DIAPH3: variants seen among roughly 807,000 people sequenced by gnomAD.
DIAPH3 encodes the protein protein diaphanous homolog 3.
In DIAPH3, 117 loss-of-function variants were observed where a neutral mutation model predicts 144.3. That is an observed-to-expected ratio of 0.81 (90% CI 0.70 to 0.95). DIAPH3 has a LOEUF of 0.95. DIAPH3 is among the 40% of genes least tolerant of loss of function. The pLI is 0.00. For synonymous variants in DIAPH3, 519 were observed against 488.9 expected (o/e 1.06, Z -0.81); for missense variants, 1,421 against 1,412.7 (o/e 1.01, Z -0.09).
intron 27 of DIAPH3, among the ~76,000 whole-genome samples, chr13:59,736,476 C>T (rs2036157955): frequency 6.6e-6 from 1 of 152,080 alleles, no homozygotes; most frequent in Admixed American, 6.6e-5. Context: ...TTAATAATAG[C>T]TATTCTGACT....
At chr13:59,739,523 T>A (rs2036338617) in intron 27 of DIAPH3, among the ~76,000 whole-genome samples, 1 of 152,196 alleles carries the variant, frequency 6.6e-6, no homozygotes, top group Admixed American at 6.5e-5. Context: ...ACTGTGGTAT[T>A]CAGGTCTACT....
intron 27 of DIAPH3, 157 bp downstream of exon 27, chr13:59,774,032 C>T (rs1020618696): frequency 8.0e-5 from 55 of 684,656 alleles, no homozygotes; most frequent in Non-Finnish European, 1.1e-4. Context: ...ATGAAAAATA[C>T]GAGTACGCAA....
At chr13:59,889,372 C>T (rs371805605) in intron 20 of DIAPH3, among the ~76,000 whole-genome samples, 1 of 152,090 alleles carries the variant, frequency 6.6e-6, no homozygotes, top group Non-Finnish European at 1.5e-5. Context: ...GACTCCTCTG[C>T]CATCTCCAAT....
intron 27 of DIAPH3, among the ~76,000 whole-genome samples, chr13:59,746,423 A>G (rs1470633882): frequency 2.6e-5 from 4 of 150,984 alleles, no homozygotes; most frequent in Non-Finnish European, 2.9e-5. Context: ...GGGTTTCACC[A>G]TGTTGGCCAG....
At chr13:59,919,739 G>T (rs1253852526) in intron 18 of DIAPH3, among the ~76,000 whole-genome samples, 1 of 151,986 alleles carries the variant, frequency 6.6e-6, no homozygotes, top group Admixed American at 6.6e-5. Flanking sequence ...GTAAAAGTAA[G>T]TACATAGTCA....
At chr13:59,823,962 T>C (rs1419996338) in intron 24 of DIAPH3, among the ~76,000 whole-genome samples, 1 of 152,202 alleles carries the variant, frequency 6.6e-6, no homozygotes, top group Non-Finnish European at 1.5e-5. Context: ...TTAAAATTGA[T>C]TTTATATTTG....
At chr13:60,096,220 T>A (rs1268207289) in intron 3 of DIAPH3, among the ~76,000 whole-genome samples, 1 of 152,206 alleles carries the variant, frequency 6.6e-6, no homozygotes, top group Non-Finnish European at 1.5e-5. Flanking sequence ...ATTATTCACT[T>A]TATTTTTATT....
intron 4 of DIAPH3, among the ~76,000 whole-genome samples, chr13:60,075,141 A>G (rs1349827596): frequency 1.3e-5 from 2 of 152,182 alleles, no homozygotes; most frequent in Non-Finnish European, 2.9e-5. Context: ...TTCTATTATG[A>G]CAGACAAAAA....
chr13:60,101,719 C>G (rs1466353814), intron 3 of DIAPH3, among the ~76,000 whole-genome samples: 2 of 152,104 alleles, frequency 1.3e-5, no homozygotes, highest in Non-Finnish European at 2.9e-5. Flanking sequence ...ACACCTGGAC[C>G]TTTTCATTAT....
chr13:59,907,262 G>A (rs1244405932), intron 20 of DIAPH3, among the ~76,000 whole-genome samples: 1 of 152,128 alleles, frequency 6.6e-6, no homozygotes, highest in African/African-American at 2.4e-5. Context: ...AAGCACATCA[G>A]TCAGTATTCA....
intron 24 of DIAPH3, among the ~76,000 whole-genome samples, chr13:59,829,773 G>A (rs1423708519): frequency 6.6e-6 from 1 of 151,880 alleles, no homozygotes; most frequent in Non-Finnish European, 1.5e-5. Context: ...GGCAGAGTAT[G>A]GAGAAAGTGC....
intron 4 of DIAPH3, among the ~76,000 whole-genome samples, chr13:60,046,268 T>A (rs144535583): frequency 6.6e-6 from 1 of 152,128 alleles, no homozygotes; most frequent in Non-Finnish European, 1.5e-5. Context: ...TATCACTGAA[T>A]AGGATATTAT....
Position 59,766,300 on chromosome 13 carries a change from T to A in DIAPH3, c.3319+7889A>T, listed in dbSNP as rs576656917. 3.9e-5 allele frequency among the ~76,000 whole-genome samples: 6 copies of A among 152,248 alleles called. No homozygotes were observed. In the South Asian group the frequency reaches 1.0e-3, roughly 26 times the overall value. ...TATACTATCACTACATAAGTAATCATCTCCCTCTGCAACTGGGCCATTAAT... is the reference window on the plus strand; with the variant it reads ...TATACTATCACTACATAAGTAATCAACTCCCTCTGCAACTGGGCCATTAAT... On this transcript the variant is annotated intron_variant, in intron 27 of 27. Coordinates refer to ENST00000400324, the MANE Select transcript of DIAPH3 (RefSeq NM_001042517.2).
intron 4 of DIAPH3, among the ~76,000 whole-genome samples, chr13:60,069,517 T>G (rs911322592): frequency 6.6e-6 from 1 of 152,194 alleles, no homozygotes; most frequent in Non-Finnish European, 1.5e-5. Flanking sequence ...TTTGTTGCAA[T>G]TGCTTTTGGA....
At chr13:59,922,574 T>A (rs1200168732) in intron 18 of DIAPH3, among the ~76,000 whole-genome samples, 1 of 152,052 alleles carries the variant, frequency 6.6e-6, no homozygotes, top group African/African-American at 2.4e-5. Context: ...CTAAGACTCA[T>A]CTCAGAATTC....
intron 4 of DIAPH3, among the ~76,000 whole-genome samples, chr13:60,046,787 C>A (rs939992138): frequency 2.0e-5 from 3 of 152,074 alleles, no homozygotes; most frequent in African/African-American, 4.8e-5. Flanking sequence ...GAATACTATG[C>A]AGCCATAAAA....
chr13:60,156,941 T>TATATATATATA (rs1566834028), intron 1 of DIAPH3, among the ~76,000 whole-genome samples: 10 of 27,394 alleles, frequency 3.7e-4, no homozygotes, highest in African/African-American at 6.0e-4. Flanking sequence ...ATATATATAT[T>TATATATATATA]TTTTTTTTTT....
chr13:60,100,422 G>C (rs984256825), intron 3 of DIAPH3, among the ~76,000 whole-genome samples: 5 of 152,100 alleles, frequency 3.3e-5, no homozygotes, highest in Non-Finnish European at 5.9e-5. Context: ...TCATTGACTG[G>C]AAGAGACATG....
chr13:60,015,382 C>G (rs1194452925), intron 7 of DIAPH3, among the ~76,000 whole-genome samples: 2 of 152,132 alleles, frequency 1.3e-5, no homozygotes, highest in Admixed American at 6.6e-5. Flanking sequence ...CCTCATTGCT[C>G]TATTTCTGAG....
Sources: allele counts gnomAD v4.1 joint callset (sites outside exome capture counted in the v4.1 genomes callset), GRCh38; gene constraint gnomAD v4.1.1; transcripts MANE v1.5; gene names NCBI Gene and HGNC (gene_info 2026-07-23, HGNC 2026-07-21).